Variants in COTL1 observed in about 807,000 individuals in gnomAD.
COTL1 encodes coactosin like F-actin binding protein 1, also known as coactosin-like protein.
COTL1 carries 15 observed loss-of-function variants against 16.5 expected under a neutral mutation model. That is an observed-to-expected ratio of 0.91 (90% confidence interval 0.61 to 1.40). The LOEUF is 1.40. Ranked by LOEUF, COTL1 falls within the 40% of genes most tolerant of loss-of-function variation. The probability of loss-of-function intolerance (pLI) is 0.00; values close to 1 mark genes in which losing one functional copy is unlikely to be tolerated. For missense variants in COTL1, 220 were observed against 201.5 expected, an observed-to-expected ratio of 1.09 and a Z score of -0.56; for synonymous variants, 112 against 85.3, an observed-to-expected ratio of 1.31 and a Z score of -1.73.
At chr16:84,587,777 TA>T (rs1303131775) in intron 3 of COTL1, among the ~76,000 whole-genome samples, 13 of 151,182 alleles carry the variant, frequency 8.6e-5, no homozygotes, top group Admixed American at 8.5e-4. Flanking sequence ...TATCATTATT[TA>T]TTTATTTATT....
In COTL1 at chr16:84,590,131, T is replaced by C. The variant is rs1283448205; in HGVS notation, c.292A>G (p.Lys98Glu). Residue 98 changes from lysine (K) to glutamate (E), a missense_variant, in exon 3 of 4, where the codon AAG becomes GAG. Transcript: ENST00000262428. The surrounding 1 kb of genome is among the most constrained non-coding windows in gnomAD (Gnocchi z 5.5). ...TGTACGACCTCCTTCACCAGGGTCTTGTCCGTCCCGGTTTTGGCGCGCTGC... is the reference window on the plus strand; with the variant it reads ...TGTACGACCTCCTTCACCAGGGTCTCGTCCGTCCCGGTTTTGGCGCGCTGC... The part of the protein sequence containing the change: ...GLQRAKTGTD[K>E]TLVKEVVQNF... 2 of 1,614,008 alleles carry C rather than the reference T, an allele frequency of 1.2e-6. No homozygotes were observed. Among genetic ancestry groups the C allele is most frequent in the Non-Finnish European group, 8.5e-7 (1 of 1,179,910 alleles).
intron 2 of COTL1, among the ~76,000 whole-genome samples, chr16:84,605,572 G>C (rs867831251): frequency 6.6e-6 from 1 of 152,240 alleles, no homozygotes; most frequent in Non-Finnish European, 1.5e-5. Context: ...AAATGGGGAA[G>C]GGTGGGGAAG....
intron 2 of COTL1, among the ~76,000 whole-genome samples, chr16:84,594,100 T>A (rs1047415282): frequency 2.0e-5 from 3 of 149,754 alleles, no homozygotes; most frequent in Non-Finnish European, 4.5e-5. Context: ...CATGTGCGGG[T>A]CACCACTTCA....
chr16:84,605,112 C>T (rs1905186115), intron 2 of COTL1, among the ~76,000 whole-genome samples: 2 of 151,604 alleles, frequency 1.3e-5, no homozygotes, highest in Admixed American at 6.5e-5. Flanking sequence ...ACAACAGTGG[C>T]CTCTAAACAC....
chr16:84,572,369 C>T (rs914488661), intron 3 of COTL1, among the ~76,000 whole-genome samples: 1 of 152,198 alleles, frequency 6.6e-6, no homozygotes, highest in Non-Finnish European at 1.5e-5. Flanking sequence ...CCAACACCCA[C>T]GGGGGCAGGG....
chr16:84,609,375 G>A (rs1905274203), intron 2 of COTL1, among the ~76,000 whole-genome samples: 1 of 152,184 alleles, frequency 6.6e-6, no homozygotes, highest in African/African-American at 2.4e-5. Flanking sequence ...GCATCCCCTA[G>A]GCCTGCACTA....
chr16:84,583,584 G>C (rs1248618202), intron 3 of COTL1, among the ~76,000 whole-genome samples: 1 of 151,978 alleles, frequency 6.6e-6, no homozygotes, highest in Non-Finnish European at 1.5e-5. Flanking sequence ...AGACTCCTGA[G>C]TAGCTGGGAC....
chr16:84,571,201 G>C (rs59578172), intron 3 of COTL1, among the ~76,000 whole-genome samples: 22,733 of 151,952 alleles, frequency 0.15, 1,927 homozygotes, highest in East Asian at 0.31. Context: ...CTCTGCTCCC[G>C]TCCTCACACG....
At chr16:84,599,806 T>C (rs1905075732) in intron 2 of COTL1, among the ~76,000 whole-genome samples, 1 of 152,058 alleles carries the variant, frequency 6.6e-6, no homozygotes, top group African/African-American at 2.4e-5. Flanking sequence ...AGCTGTCAGC[T>C]TCCACCGAGG....
intron 3 of COTL1, chr16:84,567,183 C>A: frequency 4.1e-6 from 2 of 482,842 alleles, no homozygotes; most frequent in Admixed American, 3.3e-5. Flanking sequence ...GGGAGTGGGG[C>A]AGATCTGATG....
chr16:84,605,156 T>A (rs1211722330), intron 2 of COTL1, among the ~76,000 whole-genome samples: 1 of 152,228 alleles, frequency 6.6e-6, no homozygotes, highest in Non-Finnish European at 1.5e-5. Context: ...GGCCTGGGCC[T>A]TAGGTCTGCC....
chr16:84,585,969 CGCT>C (rs1904721936), intron 3 of COTL1, among the ~76,000 whole-genome samples: 1 of 152,204 alleles, frequency 6.6e-6, no homozygotes, highest in African/African-American at 2.4e-5. Context: ...ACTGGGATCA[CGCT>C]GGAGCTGCCA....
intron 3 of COTL1, among the ~76,000 whole-genome samples, chr16:84,574,740 C>T (rs765352999): frequency 2.0e-5 from 3 of 152,074 alleles, no homozygotes; most frequent in African/African-American, 4.8e-5. Flanking sequence ...ACCACCACCA[C>T]GCCTGGCTAA....
At chr16:84,603,243 G>A (rs1310093706) in intron 2 of COTL1, among the ~76,000 whole-genome samples, 1 of 152,178 alleles carries the variant, frequency 6.6e-6, no homozygotes, top group Non-Finnish European at 1.5e-5. Context: ...CCCCCACGGG[G>A]ACAGCTGACT....
In COTL1 at chr16:84,566,446, G is replaced by A. The variant is rs570578669; in HGVS notation, c.*399C>T. 1.7e-3 allele frequency: 268 copies of A among 159,232 alleles called. 1 individual carries two copies. Among genetic ancestry groups the A allele is most frequent in the African/African-American group, 5.9e-3 (247 of 41,718 alleles). The allele number at this position is 159,232 out of a possible 1,614,324, so 9.9% of individuals were successfully genotyped here. The stretch of plus-strand genomic sequence containing the variant: ...AAAACTGAGATGGCAAAATAGGCCC[G>A]GGCTCTGGAAAGCAACGTGAGGTCA... On this transcript the variant is annotated 3_prime_UTR_variant, in exon 4 of 4. Transcript: ENST00000262428.
At chr16:84,599,180 C>T (rs1250453743) in intron 2 of COTL1, among the ~76,000 whole-genome samples, 1 of 151,628 alleles carries the variant, frequency 6.6e-6, no homozygotes, top group African/African-American at 2.4e-5. Context: ...CCAGGGCGGC[C>T]CCCACCCAGG....
intron 3 of COTL1, chr16:84,576,803 T>A (rs541781137): frequency 6.6e-6 from 1 of 152,232 alleles, no homozygotes; most frequent in East Asian, 1.9e-4. Flanking sequence ...AGAGCATAGC[T>A]CTCACAATGA....
chr16:84,617,978 G>A lies in COTL1; in HGVS notation c.-64C>T, dbSNP rs1260982234. On this transcript the variant is annotated 5_prime_UTR_variant, in exon 1 of 4. Coordinates refer to ENST00000262428, the MANE Select transcript of COTL1 (RefSeq NM_021149.5). ...GAGCGCGCCCCTGGCCGGCGGCGGG[G>A]ATGGGAGCGCGGCGGGTACGCGCCG... The A allele has an allele frequency of 4.0e-6, 5 of 1,247,286 alleles. No individual in the cohort carries two copies. The highest frequency in any genetic ancestry group is 5.2e-6 in the Non-Finnish European group (5 of 955,114). 77.3% of individuals were successfully genotyped at this position (1,247,286 alleles called of 1,614,324 possible). A position where few individuals can be genotyped will look rare whatever the true frequency, so the allele number is the denominator to read the frequency against.
chr16:84,587,778 A>ATTTT (rs1243040153), intron 3 of COTL1, among the ~76,000 whole-genome samples: 48 of 151,634 alleles, frequency 3.2e-4, no homozygotes, highest in African/African-American at 9.9e-4. Context: ...ATCATTATTT[A>ATTTT]TTTATTTATT....
Sources: allele counts gnomAD v4.1 joint callset (sites outside exome capture counted in the v4.1 genomes callset), GRCh38; gene constraint gnomAD v4.1.1; non-coding constraint Gnocchi (gnomAD v3.1); transcripts MANE v1.5; gene names NCBI Gene and HGNC (gene_info 2026-07-23, HGNC 2026-07-21).